Variants in ATP9B observed in about 807,000 individuals in gnomAD.
The protein encoded by ATP9B is ATPase phospholipid transporting 9B, also known as probable phospholipid-transporting ATPase IIB.
ATP9B carries 110 observed loss-of-function variants against 146.1 expected under a neutral mutation model. The observed-to-expected ratio is 0.75, with a 90% CI of 0.65 to 0.88. ATP9B has a LOEUF of 0.88. Ranked by LOEUF, ATP9B falls within the 40% of genes least tolerant of loss-of-function variation. The pLI is 0.00. For missense variants in ATP9B, 1,499 were observed against 1,496.4 expected (o/e 1.00, Z -0.03); for synonymous variants, 604 against 569.7 (o/e 1.06, Z -0.86).
chr18:79,372,639 C>A, intron 26 of ATP9B, 186 bp from the exon 27 acceptor site: 1 of 675,864 alleles, frequency 1.5e-6, no homozygotes, highest in Non-Finnish European at 2.7e-6. Flanking sequence ...GGGACCCAGG[C>A]AGCTTCTTCA....
rs58911563 is a variant in ATP9B at position 79,320,428 on chromosome 18, G to A, written c.1774-8713G>A. ...AGACTGCCTGGTGGAGAGTGATGGG[G>A]AGGGCCTGGCTGCGCGGCCGGCACT... On this transcript the variant is annotated intron_variant, in intron 15 of 29. Transcript: ENST00000426216. Among the ~76,000 whole-genome samples the A allele has an allele frequency of 5.4e-3, 827 of 152,338 alleles. 11 individuals are homozygous for A. Among genetic ancestry groups the A allele is most frequent in the African/African-American group, 0.018 (755 of 41,564 alleles).
rs568744901 is a variant in ATP9B at position 79,152,333 on chromosome 18, C to G, written c.727-2171C>G. 2.0e-5 allele frequency among the ~76,000 whole-genome samples: 3 copies of G among 152,198 alleles called. No individual in the cohort carries two copies. In the South Asian group the frequency reaches 6.2e-4, roughly 32 times the overall value. The stretch of plus-strand genomic sequence containing the variant: ...GTGTGTCTGTCTTTTATATGACAAG[C>G]CTGCTAAAATCTCTTGGCATTTCTC... On this transcript the variant is annotated intron_variant, in intron 6 of 29. Coordinates refer to ENST00000426216, the MANE Select transcript of ATP9B (RefSeq NM_198531.5).
chr18:79,098,907 A>G (rs1193716482), intron 2 of ATP9B, among the ~76,000 whole-genome samples: 3 of 152,176 alleles, frequency 2.0e-5, no homozygotes, highest in Admixed American at 1.3e-4. Flanking sequence ...ATTATACAGA[A>G]TGTTTCACAT....
rs772994561 is a variant in ATP9B at position 79,335,862 on chromosome 18, C to T, written c.2029-766C>T. Among the ~76,000 whole-genome samples, 14 of 152,230 alleles carry T rather than the reference C, an allele frequency of 9.2e-5. 1 individual carries two copies. Among genetic ancestry groups the T allele is most frequent in the South Asian group, 6.2e-4 (3 of 4,832 alleles). Reference sequence around the variant, plus strand: ...GGAAACAAGTACAGAAAAATGAGGTCGTTTGCCCAAAAACACAAAGTCTGT... The same window carrying T: ...GGAAACAAGTACAGAAAAATGAGGTTGTTTGCCCAAAAACACAAAGTCTGT... On this transcript the variant is annotated intron_variant, in intron 17 of 29. Transcript: ENST00000426216.
At chr18:79,160,754 G>GTGTTTGTT (rs148998603) in intron 7 of ATP9B, among the ~76,000 whole-genome samples, 7 of 151,832 alleles carry the variant, frequency 4.6e-5, no homozygotes, top group East Asian at 3.9e-4. Context: ...GGGTTTGTTT[G>GTGTTTGTT]TGTTTGTTTG....
chr18:79,256,286 T>TATATATATATATACACACAC (rs398033647), intron 12 of ATP9B, among the ~76,000 whole-genome samples: 3 of 123,068 alleles, frequency 2.4e-5, no homozygotes, highest in African/African-American at 6.5e-5. Context: ...TATATATATA[T>TATATATATATATACACACAC]ACATACATAG....
chr18:79,134,356 T>G (rs1225361242), intron 5 of ATP9B, among the ~76,000 whole-genome samples: 4 of 152,166 alleles, frequency 2.6e-5, no homozygotes, highest in African/African-American at 9.7e-5. Context: ...CACACATACA[T>G]CCCATGGCAC....
intron 20 of ATP9B, 98 bp downstream of exon 20, chr18:79,342,464 A>T: frequency 1.3e-6 from 1 of 778,792 alleles, no homozygotes; most frequent in Non-Finnish European, 2.0e-6. Context: ...TAATCACTAA[A>T]TATCTTTTTA....
At chr18:79,113,017 T>C (rs561829351) in intron 3 of ATP9B, among the ~76,000 whole-genome samples, 1 of 152,314 alleles carries the variant, frequency 6.6e-6, no homozygotes, top group East Asian at 1.9e-4. Context: ...AATTGTCTTA[T>C]TTTCAGTTTA....
chr18:79,190,837 T>C (rs960148927), intron 8 of ATP9B, among the ~76,000 whole-genome samples: 2 of 152,136 alleles, frequency 1.3e-5, no homozygotes, highest in African/African-American at 4.8e-5. Context: ...TGAGCCACCG[T>C]GCCTGGCCCA....
At chr18:79,329,565 A>G (rs1355612252) in intron 16 of ATP9B, among the ~76,000 whole-genome samples, 2 of 152,204 alleles carry the variant, frequency 1.3e-5, no homozygotes, top group Non-Finnish European at 2.9e-5. Context: ...TTTGAAATCA[A>G]CAACTAAAGC....
chr18:79,096,053 ATGTT>A (rs1343538634), intron 1 of ATP9B, among the ~76,000 whole-genome samples: 1 of 152,200 alleles, frequency 6.6e-6, no homozygotes, highest in Non-Finnish European at 1.5e-5. Context: ...CACTTCTAGA[ATGTT>A]GGTTGATGAC....
intron 11 of ATP9B, among the ~76,000 whole-genome samples, chr18:79,218,448 G>A (rs1352068982): frequency 1.3e-5 from 2 of 148,646 alleles, no homozygotes; most frequent in Admixed American, 6.7e-5. Flanking sequence ...CTTGTCTCAC[G>A]CAGGCTGGCA....
At chr18:79,366,736 G>T (rs972069453) in intron 26 of ATP9B, among the ~76,000 whole-genome samples, 1 of 152,234 alleles carries the variant, frequency 6.6e-6, no homozygotes, top group African/African-American at 2.4e-5. Context: ...TGCAGATTAT[G>T]CGGACGAGAC....
intron 15 of ATP9B, among the ~76,000 whole-genome samples, chr18:79,309,293 G>C (rs753286701): frequency 0.021 from 852 of 39,688 alleles, 1 homozygote; most frequent in East Asian, 0.1. Context: ...GGGCTGAGGA[G>C]TGATCCCCAG....
chr18:79,356,364 G>C (rs929074544), intron 25 of ATP9B, among the ~76,000 whole-genome samples: 1 of 151,794 alleles, frequency 6.6e-6, no homozygotes, highest in African/African-American at 2.4e-5. Flanking sequence ...CACGCTCCTG[G>C]GCGTTTATAC....
chr18:79,368,103 C>T (rs777606531), intron 26 of ATP9B, among the ~76,000 whole-genome samples: 7 of 151,990 alleles, frequency 4.6e-5, no homozygotes, highest in East Asian at 1.9e-4. Context: ...TGGACGGCGC[C>T]GTGGCCCCGG....
chr18:79,199,963 T>TTACA (rs2095452298), intron 9 of ATP9B, among the ~76,000 whole-genome samples: 1 of 152,186 alleles, frequency 6.6e-6, no homozygotes, highest in Admixed American at 6.5e-5. Flanking sequence ...GGAGGCTGTT[T>TTACA]TACAATTAAG....
intron 11 of ATP9B, among the ~76,000 whole-genome samples, chr18:79,235,309 T>C (rs1321311927): frequency 6.6e-6 from 1 of 152,212 alleles, no homozygotes; most frequent in Non-Finnish European, 1.5e-5. Context: ...CCTCCACATA[T>C]CATATTACTA....
Sources: gnomAD v4.1 joint callset for allele counts (sites outside exome capture counted in the v4.1 genomes callset) on GRCh38, gnomAD v4.1.1 for gene constraint, MANE v1.5 for transcripts, NCBI Gene and HGNC (gene_info 2026-07-23, HGNC 2026-07-21) for gene names.